Variants in SOX6 observed in about 807,000 individuals in gnomAD.
SOX6 encodes the protein transcription factor SOX-6.
SOX6 carries 11 observed loss-of-function variants against 97.8 expected under a neutral mutation model. The observed-to-expected ratio is 0.11, with a 90% CI of 0.07 to 0.19. The LOEUF is 0.19. SOX6 is among the 10% of genes least tolerant of loss of function. The pLI is 1.00. For missense variants in SOX6, 810 were observed against 1,039.5 expected, an observed-to-expected ratio of 0.78 and a Z score of 3.04; for synonymous variants, 360 against 371.4, an observed-to-expected ratio of 0.97 and a Z score of 0.35.
intron 1 of SOX6, among the ~76,000 whole-genome samples, chr11:16,396,376 T>G (rs916432558): frequency 1.3e-5 from 2 of 151,696 alleles, no homozygotes; most frequent in African/African-American, 4.8e-5. Context: ...TTTGAATGCA[T>G]GTATACTGTG....
chr11:16,085,705 A>G (rs1848561996), intron 9 of SOX6, among the ~76,000 whole-genome samples: 1 of 152,238 alleles, frequency 6.6e-6, no homozygotes, highest in Admixed American at 6.5e-5. Context: ...TACTGTGAAC[A>G]TAAATGACCA....
intron 1 of SOX6, chr11:16,382,211 G>T (rs147311698): frequency 6.6e-6 from 1 of 151,956 alleles, no homozygotes; most frequent in Non-Finnish European, 1.5e-5. Flanking sequence ...GTCAAATACG[G>T]TGTCACTTAG....
intron 4 of SOX6, among the ~76,000 whole-genome samples, chr11:16,547,103 C>CA (rs1246123711): frequency 6.6e-6 from 1 of 151,904 alleles, no homozygotes; most frequent in African/African-American, 2.4e-5. Flanking sequence ...ACTAAAAAGA[C>CA]AAAAAATAAC....
intron 1 of SOX6, among the ~76,000 whole-genome samples, chr11:16,431,787 T>A (rs147345779): frequency 6.6e-6 from 1 of 152,132 alleles, no homozygotes; most frequent in African/African-American, 2.4e-5. Context: ...TTGTCATAGA[T>A]AACTTTCCCA....
At chr11:16,515,282 T>C (rs1230064056) in intron 4 of SOX6, among the ~76,000 whole-genome samples, 2 of 152,150 alleles carry the variant, frequency 1.3e-5, no homozygotes, top group African/African-American at 2.4e-5. Flanking sequence ...TTGATTTGCA[T>C]TTCTCTGATG....
intron 15 of SOX6, among the ~76,000 whole-genome samples, chr11:15,983,694 T>C (rs1853740069): frequency 6.6e-6 from 1 of 152,098 alleles, no homozygotes; most frequent in Non-Finnish European, 1.5e-5. Context: ...ATAGCAAGTA[T>C]TATCAAAGCT....
chr11:16,186,202 C>T (rs1193201906), intron 5 of SOX6, among the ~76,000 whole-genome samples: 1 of 152,086 alleles, frequency 6.6e-6, no homozygotes, highest in Non-Finnish European at 1.5e-5. Flanking sequence ...AATGACTTAC[C>T]TATGCTATAA....
At chr11:16,160,563 G>T (rs1015744195) in intron 6 of SOX6, among the ~76,000 whole-genome samples, 1 of 152,134 alleles carries the variant, frequency 6.6e-6, no homozygotes, top group Non-Finnish European at 1.5e-5. Flanking sequence ...GGCTAATGTG[G>T]TTTTTAACAT....
chr11:16,686,715 C>A (rs981570462), intron 3 of SOX6, among the ~76,000 whole-genome samples: 3 of 152,226 alleles, frequency 2.0e-5, no homozygotes, highest in Admixed American at 6.5e-5. Context: ...TTACCAAATT[C>A]CAGAGTTGCT....
In SOX6 at chr11:16,341,142, T is replaced by G. The variant is rs750103733; in HGVS notation, c.107A>C (p.His36Pro). 1.1e-5 allele frequency: 17 copies of G among 1,613,432 alleles called. No individual in the cohort carries two copies. The highest frequency in any genetic ancestry group is 1.4e-5 in the Non-Finnish European group (16 of 1,179,612). ...GTGCAGAGGCAGATGGGAGGCCACA[T>G]GTTGATCACTGCCCTCTTCCTTTTC... ...SREKEEGSDQ[H>P]VASHLPLHPI... The change falls in exon 2 of 16, where the codon CAT becomes CCT. Residue 36 changes from histidine (H) to proline (P), a missense_variant. Physicochemically the swap from His to Pro is moderately conservative, Grantham distance 77. Around this residue, in one of 9 missense-constraint regions of SOX6, gnomAD observed 100 missense variants for 94.6 expected, o/e 1.06. Transcript: ENST00000683767.
chr11:16,704,626 T>C (rs1564873012), intron 3 of SOX6, among the ~76,000 whole-genome samples: 1 of 152,206 alleles, frequency 6.6e-6, no homozygotes, highest in Non-Finnish European at 1.5e-5. Flanking sequence ...TGAAGTTCCC[T>C]AATTACACAG....
intron 3 of SOX6, among the ~76,000 whole-genome samples, chr11:16,235,985 C>T (rs1013866424): frequency 6.6e-6 from 1 of 152,060 alleles, no homozygotes; most frequent in Non-Finnish European, 1.5e-5. Flanking sequence ...TGAAGAACAA[C>T]CATCCGAACT....
At chr11:16,604,575 T>C (rs1273334145) in intron 4 of SOX6, among the ~76,000 whole-genome samples, 3 of 152,042 alleles carry the variant, frequency 2.0e-5, no homozygotes, top group African/African-American at 7.2e-5. Flanking sequence ...CCATTGACAG[T>C]ACAGCGGGAG....
At chr11:16,659,490 C>A (rs1165974027) in intron 3 of SOX6, among the ~76,000 whole-genome samples, 1 of 145,988 alleles carries the variant, frequency 6.8e-6, no homozygotes, top group Non-Finnish European at 1.5e-5. Context: ...TATTCTCCTT[C>A]AATAATGTGT....
At chr11:16,729,235 A>G (rs903360762) in intron 2 of SOX6, among the ~76,000 whole-genome samples, 6 of 152,178 alleles carry the variant, frequency 3.9e-5, no homozygotes, top group Non-Finnish European at 7.3e-5. Flanking sequence ...AGAACACCAC[A>G]AAGATACTCC....
At chr11:16,248,338 C>G (rs911885488) in intron 3 of SOX6, among the ~76,000 whole-genome samples, 15 of 152,268 alleles carry the variant, frequency 9.9e-5, no homozygotes, top group Admixed American at 8.5e-4. Context: ...CTCTACTAGG[C>G]AGTGCCCCAG....
At chr11:16,306,932 C>T (rs938809077) in intron 3 of SOX6, among the ~76,000 whole-genome samples, 2 of 152,044 alleles carry the variant, frequency 1.3e-5, no homozygotes, top group East Asian at 3.9e-4. Flanking sequence ...CCTACATCCT[C>T]GAATTTCTTA....
At chr11:16,714,174 TTAGC>T (rs1351259811) in intron 3 of SOX6, among the ~76,000 whole-genome samples, 2 of 152,166 alleles carry the variant, frequency 1.3e-5, no homozygotes, top group Non-Finnish European at 2.9e-5. Flanking sequence ...GATAATTAGT[TTAGC>T]TATCTTATAG....
At chr11:16,022,160 C>G (rs989503043) in intron 12 of SOX6, among the ~76,000 whole-genome samples, 1 of 152,092 alleles carries the variant, frequency 6.6e-6, no homozygotes, top group Non-Finnish European at 1.5e-5. Context: ...TACAGCAACT[C>G]ATAACATATC....
Sources: allele counts gnomAD v4.1 joint callset (sites outside exome capture counted in the v4.1 genomes callset), GRCh38; gene constraint gnomAD v4.1.1; regional missense constraint gnomAD v4.1.1; transcripts MANE v1.5; gene names NCBI Gene and HGNC (gene_info 2026-07-23, HGNC 2026-07-21).